NEXMIF: variants seen among roughly 807,000 people sequenced by gnomAD.
NEXMIF encodes the protein neurite extension and migration factor.
In NEXMIF, 8 loss-of-function variants were observed where a neutral mutation model predicts 62.1. The observed-to-expected ratio is 0.13, with a 90% CI of 0.08 to 0.23. The LOEUF is 0.23. NEXMIF is among the 10% of genes least tolerant of loss of function. The pLI is 1.00. For missense variants in NEXMIF, 976 were observed against 1,113.3 expected (o/e 0.88, Z 1.75); for synonymous variants, 404 against 416.6 (o/e 0.97, Z 0.37).
intron 1 of NEXMIF, among the ~76,000 whole-genome samples, chrX:74,846,995 C>T (rs930655126): frequency 5.3e-5 from 6 of 112,265 alleles, no homozygotes; most frequent in Non-Finnish European, 1.1e-4. Flanking sequence ...ATAAATTCAT[C>T]TTTAGAAAAG....
chrX:74,810,168 T>C (rs758139268), intron 1 of NEXMIF, among the ~76,000 whole-genome samples: 1 of 111,967 alleles, frequency 8.9e-6, no homozygotes, highest in Non-Finnish European at 1.9e-5. Flanking sequence ...AATTAGAATA[T>C]TTTTTTAGCA....
chrX:74,840,254 G>A, intron 1 of NEXMIF, among the ~76,000 whole-genome samples: 1 of 111,419 alleles, frequency 9.0e-6, no homozygotes, highest in Non-Finnish European at 1.9e-5. Context: ...CCACTTTTAA[G>A]TGGGGTTGTT....
intron 1 of NEXMIF, among the ~76,000 whole-genome samples, chrX:74,786,366 G>A (rs1269672137): frequency 1.8e-5 from 2 of 111,446 alleles, no homozygotes; most frequent in Non-Finnish European, 3.8e-5. Context: ...CTTTTCAAGA[G>A]CTGGAAAAAA....
At chrX:74,762,071 CT>C (rs1315087052) in intron 1 of NEXMIF, among the ~76,000 whole-genome samples, 2 of 109,631 alleles carry the variant, frequency 1.8e-5, no homozygotes, top group Non-Finnish European at 3.8e-5. Flanking sequence ...CCATTAACTC[CT>C]CGCCATTTAC....
Position 74,786,954 on chromosome X carries a change from G to A in NEXMIF, c.-47-41257C>T, listed in dbSNP as rs779470544. Among the ~76,000 whole-genome samples, 8 of 110,381 alleles carry A rather than the reference G, an allele frequency of 7.2e-5. No homozygotes were observed. In the East Asian group the frequency reaches 2.3e-3, roughly 32 times the overall value. On this transcript the variant is annotated intron_variant, in intron 1 of 3. Transcript: ENST00000055682. ...CAGTTAGGCTAAGCCCCTTCCACTGGAGAAAAATAAAGATTGAAGCTATGG... is the reference window on the plus strand; with the variant it reads ...CAGTTAGGCTAAGCCCCTTCCACTGAAGAAAAATAAAGATTGAAGCTATGG...
intron 1 of NEXMIF, among the ~76,000 whole-genome samples, chrX:74,838,944 T>C (rs2080465673): frequency 8.9e-6 from 1 of 112,031 alleles, no homozygotes; most frequent in Non-Finnish European, 1.9e-5. Flanking sequence ...ATCTGCTCAG[T>C]CCTTACTTAG....
At chrX:74,899,557 T>C (rs2080742862) in intron 1 of NEXMIF, among the ~76,000 whole-genome samples, 2 of 112,068 alleles carry the variant, frequency 1.8e-5, no homozygotes, top group Non-Finnish European at 3.8e-5. Context: ...AAAACTATAA[T>C]ACACTGATGA....
At chrX:74,830,496 A>C (rs767654103) in intron 1 of NEXMIF, among the ~76,000 whole-genome samples, 11 of 111,796 alleles carry the variant, frequency 9.8e-5, no homozygotes, top group Middle Eastern at 4.6e-3. Context: ...TGATTCCTTC[A>C]GTTTTGTCCT....
chrX:74,785,923 T>C (rs1174116083), intron 1 of NEXMIF, among the ~76,000 whole-genome samples: 1 of 112,756 alleles, frequency 8.9e-6, no homozygotes, highest in Non-Finnish European at 1.9e-5. Context: ...GATAAGGTAA[T>C]AGACAAAACT....
chrX:74,820,023 T>C (rs983661315), intron 1 of NEXMIF, among the ~76,000 whole-genome samples: 6 of 111,483 alleles, frequency 5.4e-5, no homozygotes, highest in Non-Finnish European at 9.4e-5. Flanking sequence ...AAGGATGAGT[T>C]CATGTCCTTT....
chrX:74,836,536 G>T (rs1219706898), intron 1 of NEXMIF, among the ~76,000 whole-genome samples: 1 of 111,013 alleles, frequency 9.0e-6, no homozygotes, highest in African/African-American at 3.3e-5. Flanking sequence ...CTTCCCTCAA[G>T]GCAGCAGTTT....
At chrX:74,793,098 T>C (rs2080291477) in intron 1 of NEXMIF, among the ~76,000 whole-genome samples, 1 of 111,359 alleles carries the variant, frequency 9.0e-6, no homozygotes, top group Non-Finnish European at 1.9e-5. Context: ...TGGCATGATT[T>C]TGCAGCGGCT....
At chrX:74,821,180 C>T (rs1012931633) in intron 1 of NEXMIF, among the ~76,000 whole-genome samples, 1 of 111,275 alleles carries the variant, frequency 9.0e-6, no homozygotes, top group African/African-American at 3.3e-5. Flanking sequence ...GCCCTCTCTT[C>T]TTATACCTCT....
At chrX:74,835,467 T>C (rs1569352294) in intron 1 of NEXMIF, among the ~76,000 whole-genome samples, 1 of 112,050 alleles carries the variant, frequency 8.9e-6, no homozygotes. Context: ...TTACAAGTAT[T>C]TTAAGAGACT....
At position 74,742,784 on chromosome X, in the gene NEXMIF, C is replaced by A. The variant is rs1354407773; in HGVS notation, c.1773G>T (p.Lys591Asn). The A allele has an allele frequency of 4.1e-6, 5 of 1,211,239 alleles. No homozygotes were observed. In the South Asian group the frequency reaches 5.3e-5, roughly 13 times the overall value. Residue 591 changes from lysine (K) to asparagine (N), a missense_variant, in exon 3 of 4, where the codon AAG becomes AAT. Around this residue, in one of 5 missense-constraint regions of NEXMIF, gnomAD observed 639 missense variants for 694.5 expected, o/e 0.92. Transcript: ENST00000055682. ...LAPLKGFWQK[K>N]KKQRNTNTDS... Reference sequence around the variant, plus strand: ...CCGTGTTGGTGTTTCTCTGCTTCTTCTTCTTTTGCCAGAAGCCTTTCAAGG... The same window carrying A: ...CCGTGTTGGTGTTTCTCTGCTTCTTATTCTTTTGCCAGAAGCCTTTCAAGG...
At chrX:74,865,917 C>G (rs776643876) in intron 1 of NEXMIF, among the ~76,000 whole-genome samples, 1 of 111,272 alleles carries the variant, frequency 9.0e-6, no homozygotes, top group Admixed American at 9.5e-5. Flanking sequence ...AGTTTGCTGC[C>G]GGGGTGGGGC....
At chrX:74,806,611 A>G (rs892053001) in intron 1 of NEXMIF, among the ~76,000 whole-genome samples, 2 of 112,123 alleles carry the variant, frequency 1.8e-5, no homozygotes, top group East Asian at 2.8e-4. Flanking sequence ...AAAAAAATAA[A>G]ATCTATTTTT....
At chrX:74,874,386 G>A (rs1289797998) in intron 1 of NEXMIF, among the ~76,000 whole-genome samples, 8 of 108,091 alleles carry the variant, frequency 7.4e-5, no homozygotes, top group Non-Finnish European at 1.5e-4. Context: ...TGCTGTTTTG[G>A]TTACTGTAGC....
chrX:74,786,971 A>G (rs910911046), intron 1 of NEXMIF, among the ~76,000 whole-genome samples: 12 of 110,265 alleles, frequency 1.1e-4, no homozygotes, highest in African/African-American at 3.3e-4. Flanking sequence ...ATAAAGATTG[A>G]AGCTATGGGC....
Sources: allele counts gnomAD v4.1 joint callset (sites outside exome capture counted in the v4.1 genomes callset), GRCh38; gene constraint gnomAD v4.1.1; regional missense constraint gnomAD v4.1.1; transcripts MANE v1.5; gene names NCBI Gene and HGNC (gene_info 2026-07-23, HGNC 2026-07-21).